The following TNIK variants were observed in gnomAD, a reference collection of about 807,000 sequenced individuals.
TNIK encodes TRAF2 and NCK interacting kinase.
In TNIK, 49 loss-of-function variants were observed where a neutral mutation model predicts 191.3. The observed-to-expected ratio is 0.26, with a 90% CI of 0.20 to 0.32. The LOEUF (loss-of-function observed/expected upper bound fraction) is 0.32, where lower values mean the gene tolerates loss of function less well. Among genes scored for constraint, TNIK ranks in the 10% least tolerant of loss-of-function variants. TNIK has a pLI of 1.00. For synonymous variants in TNIK, 594 were observed against 600.9 expected (o/e 0.99, Z 0.17); for missense variants, 1,155 against 1,702.3 (o/e 0.68, Z 5.66).
rs766695626 is a variant in TNIK at position 171,128,868 on chromosome 3, C to T, written c.1619G>A (p.Arg540Gln). 52 of 1,498,948 alleles carry T rather than the reference C, an allele frequency of 3.5e-5. No individual in the cohort carries two copies. Among genetic ancestry groups the T allele is most frequent in the Admixed American group, 3.0e-4 (14 of 47,020 alleles). The allele number at this position is 1,498,948 out of a possible 1,614,324, so 92.9% of individuals were successfully genotyped here. ...KPAWAKEVEERSRLNRQSSPA... is the reference protein window; with the variant it reads ...KPAWAKEVEEQSRLNRQSSPA... ...GGAACTTTGCCGGTTGAGCCTTGAC[C>T]GTTCTTCTACCTACAACCCAAAAAA... The change falls in exon 16 of 33, where the codon CGG becomes CAG. Residue 540 changes from arginine to glutamine, a missense_variant. Arg to Gln is a conservative substitution (Grantham distance 43, BLOSUM62 1). This residue lies in a region of TNIK where 735 missense variants were observed against 848.0 expected (regional missense o/e 0.87). Transcript: ENST00000436636.
chr3:171,203,507 C>T (rs909170799), intron 4 of TNIK, among the ~76,000 whole-genome samples: 2 of 152,188 alleles, frequency 1.3e-5, no homozygotes, highest in African/African-American at 4.8e-5. Flanking sequence ...TTTGAAATTT[C>T]AGGCCCAATA....
At chr3:171,225,451 C>T in intron 3 of TNIK, 1 of 388,252 alleles carries the variant, frequency 2.6e-6, no homozygotes, top group South Asian at 1.9e-5. Flanking sequence ...ATAGGAGTTC[C>T]CCAAGAGAAT....
chr3:171,381,253 T>C (rs1034926668), intron 1 of TNIK, among the ~76,000 whole-genome samples: 2 of 152,188 alleles, frequency 1.3e-5, no homozygotes, highest in African/African-American at 4.8e-5. Context: ...CAGATTTCCA[T>C]GGGTGTTGAA....
At chr3:171,065,042 G>A (rs902628394) in intron 32 of TNIK, among the ~76,000 whole-genome samples, 7 of 152,170 alleles carry the variant, frequency 4.6e-5, no homozygotes, top group Non-Finnish European at 4.4e-5. Context: ...GTGTGCCCCT[G>A]GCTGTAAACC....
chr3:171,340,335 G>A (rs908460315), intron 2 of TNIK, among the ~76,000 whole-genome samples: 1 of 152,126 alleles, frequency 6.6e-6, no homozygotes. Context: ...GTGTAGTATT[G>A]TAAACCAGTT....
rs1720412038 is a variant in TNIK at position 171,079,594 on chromosome 3, A to G, written c.3372T>C (p.His1124=). The G allele has an allele frequency of 1.9e-6, 3 of 1,613,518 alleles. No homozygotes were observed. The highest frequency in any genetic ancestry group is 2.7e-5 in the African/African-American group (2 of 74,926). Residue 1124 remains histidine, a synonymous_variant, in exon 28 of 33, where the codon CAT becomes CAC. Coordinates refer to ENST00000436636, the MANE Select transcript of TNIK (RefSeq NM_015028.4). The stretch of plus-strand genomic sequence containing the variant: ...GTTTCTTTTCTACTTCTGGGTCATT[A>G]TGTAGTATTCTGTTTCTTAACCATG... ...YLSWLRNRIL[H]NDPEVEKKQG...
intron 9 of TNIK, among the ~76,000 whole-genome samples, chr3:171,168,257 C>T (rs1423255048): frequency 6.6e-6 from 1 of 152,190 alleles, no homozygotes; most frequent in Non-Finnish European, 1.5e-5. Context: ...TTCCAAGGCA[C>T]TCCAGGAGAC....
chr3:171,123,147 T>C (rs1576888883), intron 18 of TNIK, among the ~76,000 whole-genome samples: 3 of 152,228 alleles, frequency 2.0e-5, no homozygotes, highest in African/African-American at 4.8e-5. Context: ...ACTATTTCCA[T>C]GGTAATTGCT....
intron 10 of TNIK, among the ~76,000 whole-genome samples, chr3:171,164,561 T>C (rs1289134988): frequency 1.3e-5 from 2 of 152,242 alleles, no homozygotes; most frequent in South Asian, 4.1e-4. Flanking sequence ...TGGAGTGATG[T>C]TCACATAACT....
intron 2 of TNIK, among the ~76,000 whole-genome samples, chr3:171,332,931 C>T (rs929690717): frequency 1.3e-4 from 20 of 152,048 alleles, no homozygotes; most frequent in African/African-American, 3.9e-4. Context: ...TTTGTCAGAA[C>T]GACAGAAAAG....
intron 23 of TNIK, among the ~76,000 whole-genome samples, chr3:171,093,262 C>G (rs540019510): frequency 1.3e-5 from 2 of 152,170 alleles, no homozygotes; most frequent in East Asian, 3.9e-4. Flanking sequence ...GTGCCACCCC[C>G]CAAATGAAAT....
Position 171,155,874 on chromosome 3 carries a change from G to C in TNIK, c.1221+1586C>G, listed in dbSNP as rs184674541. On this transcript the variant is annotated intron_variant, in intron 12 of 32. Transcript: ENST00000436636. ...AACACATGCAGTGACTTGGTGCTTA[G>C]GCTCTGCAGGCCAATCCCCTGGATC... is the stretch of plus-strand genomic sequence containing the variant. Among the ~76,000 whole-genome samples the C allele has an allele frequency of 5.3e-5, 8 of 152,312 alleles. No individual in the cohort carries two copies. In the East Asian group the frequency reaches 1.5e-3, roughly 29 times the overall value.
chr3:171,098,668 T>A (rs576091183), intron 22 of TNIK, among the ~76,000 whole-genome samples: 1 of 152,322 alleles, frequency 6.6e-6, no homozygotes, highest in South Asian at 2.1e-4. Flanking sequence ...TGAGCTACAA[T>A]ATATTTTTGT....
Position 171,066,408 on chromosome 3 carries a change from A to C in TNIK, c.3860-82T>G, listed in dbSNP as rs940582474. On this transcript the variant is annotated intron_variant, in intron 31 of 32. Coordinates refer to ENST00000436636, the MANE Select transcript of TNIK (RefSeq NM_015028.4). ...AGCATCTGTTCACATCTTAACCACA[A>C]AAATGACAAACGACTTGAGATAAAT... The C allele has an allele frequency of 1.8e-5, 29 of 1,584,744 alleles. No individual in the cohort carries two copies. In the African/African-American group the frequency reaches 3.0e-4, roughly 16 times the overall value.
At chr3:171,222,001 T>G (rs1223850159) in intron 3 of TNIK, among the ~76,000 whole-genome samples, 2 of 152,206 alleles carry the variant, frequency 1.3e-5, no homozygotes, top group Non-Finnish European at 2.9e-5. Context: ...ATTAAAATCA[T>G]GTATTGAGGA....
At chr3:171,117,924 C>T (rs534452459) in intron 18 of TNIK, among the ~76,000 whole-genome samples, 6 of 152,096 alleles carry the variant, frequency 3.9e-5, no homozygotes, top group South Asian at 2.1e-4. Flanking sequence ...GAGCCACGAT[C>T]GCGCCACTGC....
chr3:171,120,764 T>G (rs999000086), intron 18 of TNIK, among the ~76,000 whole-genome samples: 18 of 152,192 alleles, frequency 1.2e-4, no homozygotes, highest in African/African-American at 4.1e-4. Flanking sequence ...CACTGTTGTC[T>G]TAAAATTGTG....
At chr3:171,204,103 A>C (rs1236836408) in intron 4 of TNIK, among the ~76,000 whole-genome samples, 1 of 152,128 alleles carries the variant, frequency 6.6e-6, no homozygotes, top group African/African-American at 2.4e-5. Flanking sequence ...CATGCAGCAA[A>C]ATGGAGAGCC....
At chr3:171,241,558 T>A (rs1301572570) in intron 2 of TNIK, among the ~76,000 whole-genome samples, 1 of 152,248 alleles carries the variant, frequency 6.6e-6, no homozygotes, top group Non-Finnish European at 1.5e-5. Flanking sequence ...TTAAAATGCC[T>A]GATAATCAGA....
Sources: gnomAD v4.1 joint callset for allele counts (sites outside exome capture counted in the v4.1 genomes callset) on GRCh38, gnomAD v4.1.1 for gene constraint, gnomAD v4.1.1 regional missense constraint, MANE v1.5 for transcripts, NCBI Gene and HGNC (gene_info 2026-07-23, HGNC 2026-07-21) for gene names.